Variants in ZNG1A observed in about 807,000 individuals in gnomAD.
The protein encoded by ZNG1A is zinc-regulated GTPase metalloprotein activator 1A.
At chr9:145,483 G>A in the ZNG1A span, among the ~76,000 whole-genome samples, 6 of 145,236 alleles carry the variant, frequency 4.1e-5, no homozygotes, top group African/African-American at 1.5e-4. Context: ...TCACTCATAG[G>A]TGGGAATTGA....
chr9:128,683 G>A, the ZNG1A span, among the ~76,000 whole-genome samples: 1 of 149,826 alleles, frequency 6.7e-6, no homozygotes, highest in African/African-American at 2.5e-5. Flanking sequence ...AAGTAAGTCA[G>A]GGATTTCTTC....
At chr9:138,776 T>A in the ZNG1A span, among the ~76,000 whole-genome samples, 2 of 148,536 alleles carry the variant, frequency 1.3e-5, no homozygotes, top group Non-Finnish European at 3.0e-5. Context: ...TGGTGACACA[T>A]GCCTGTGGTC....
chr9:140,342 T>C, the ZNG1A span, among the ~76,000 whole-genome samples: 7 of 151,578 alleles, frequency 4.6e-5, no homozygotes, highest in African/African-American at 1.7e-4. Flanking sequence ...CCTCCTCAAG[T>C]GGGTCCCTGA....
chr9:171,789 C>T, the ZNG1A span: 1 of 392,790 alleles, frequency 2.5e-6, no homozygotes, highest in South Asian at 2.6e-5. Flanking sequence ...AACGTCTCTG[C>T]TCTTCCTACA....
the ZNG1A span, among the ~76,000 whole-genome samples, chr9:163,219 A>G: frequency 2.0e-5 from 3 of 152,120 alleles, no homozygotes; most frequent in African/African-American, 7.2e-5. Context: ...AGTTTCTAAT[A>G]TATTTTAAAT....
the ZNG1A span, chr9:147,504 T>C: frequency 1.6e-5 from 2 of 126,096 alleles, no homozygotes; most frequent in Non-Finnish European, 3.1e-5. Flanking sequence ...CGAATGCTTG[T>C]CTTGGCAAAA....
the ZNG1A span, among the ~76,000 whole-genome samples, chr9:157,191 C>G: frequency 7.2e-6 from 1 of 139,842 alleles, no homozygotes; most frequent in Non-Finnish European, 1.5e-5. Flanking sequence ...TTTTACTGAC[C>G]TCTCCAGAGT....
chr9:150,112 TCCGG>T, the ZNG1A span: 2 of 138,212 alleles, frequency 1.4e-5, no homozygotes, highest in Admixed American at 1.5e-4. Context: ...TAACCAAATC[TCCGG>T]TTTTGTTTTT....
At chr9:152,387 C>T in the ZNG1A span, among the ~76,000 whole-genome samples, 1 of 152,154 alleles carries the variant, frequency 6.6e-6, no homozygotes, top group African/African-American at 2.4e-5. Flanking sequence ...AAAAATCATT[C>T]ATAAATAGTC....
At chr9:126,661 GTTTCA>G in the ZNG1A span, among the ~76,000 whole-genome samples, 3 of 151,596 alleles carry the variant, frequency 2.0e-5, no homozygotes, top group African/African-American at 7.3e-5. Context: ...CCAGCTTTTT[GTTTCA>G]TTTATCTTTT....
At chr9:159,536 T>A in the ZNG1A span, among the ~76,000 whole-genome samples, 1 of 152,178 alleles carries the variant, frequency 6.6e-6, no homozygotes, top group Admixed American at 6.5e-5. Context: ...TAAATATATA[T>A]AATTTTTACT....
chr9:155,558 A>G, the ZNG1A span, among the ~76,000 whole-genome samples: 2 of 152,184 alleles, frequency 1.3e-5, no homozygotes, highest in African/African-American at 4.8e-5. Flanking sequence ...GTAGATGATA[A>G]TAATCAGAAG....
At chr9:174,855 A>C in the ZNG1A span, among the ~76,000 whole-genome samples, 2 of 150,622 alleles carry the variant, frequency 1.3e-5, no homozygotes, top group East Asian at 3.9e-4. Context: ...TATTTTTTTG[A>C]CTACAGTTTA....
the ZNG1A span, chr9:151,344 A>G: frequency 1.0e-6 from 1 of 980,512 alleles, no homozygotes; most frequent in Non-Finnish European, 1.2e-6. Flanking sequence ...GAATTTCTCC[A>G]GTAGAGACTG....
the ZNG1A span, chr9:123,892 T>G: frequency 6.3e-6 from 1 of 158,524 alleles, no homozygotes; most frequent in Admixed American, 6.0e-5. Flanking sequence ...AACTATTTCA[T>G]TTTATAAATT....
the ZNG1A span, chr9:147,711 A>ACCCC: frequency 1.4e-5 from 2 of 144,706 alleles, no homozygotes; most frequent in East Asian, 3.9e-4. Flanking sequence ...TTCCTTTTTC[A>ACCCC]CCTCCCCCTC....
chr9:163,313 G>C, the ZNG1A span, among the ~76,000 whole-genome samples: 1 of 151,122 alleles, frequency 6.6e-6, no homozygotes, highest in Admixed American at 6.6e-5. Flanking sequence ...GAAAATAAAA[G>C]CAAAAATATG....
At chr9:158,345 A>G in the ZNG1A span, among the ~76,000 whole-genome samples, 338 of 152,154 alleles carry the variant, frequency 2.2e-3, 11 homozygotes, top group East Asian at 0.058. Context: ...CTACTTAACA[A>G]TGATATATTT....
the ZNG1A span, chr9:146,158 T>C: frequency 6.4e-7 from 1 of 1,572,404 alleles, no homozygotes; most frequent in African/African-American, 1.4e-5. Context: ...AGAGATCAAC[T>C]CTAAAAGGAA....
Sources: allele counts gnomAD v4.1 joint callset (sites outside exome capture counted in the v4.1 genomes callset), GRCh38; gene constraint gnomAD v4.1.1; transcripts MANE v1.5; gene names NCBI Gene and HGNC (gene_info 2026-07-23, HGNC 2026-07-21).